The following TBC1D19 variants were observed in gnomAD, a reference collection of about 807,000 sequenced individuals.
TBC1D19 encodes TBC1 domain family, member 19.
TBC1D19 carries 60 observed loss-of-function variants against 89.0 expected under a neutral mutation model. The observed-to-expected ratio is 0.67, with a 90% CI of 0.55 to 0.84. The LOEUF is 0.84. Among genes scored for constraint, TBC1D19 ranks in the 40% least tolerant of loss-of-function variants. TBC1D19 has a pLI of 0.00. For missense variants in TBC1D19, 500 were observed against 610.8 expected (o/e 0.82, Z 1.91); for synonymous variants, 189 against 199.7 (o/e 0.95, Z 0.45).
At chr4:26,836,126 G>A in the TBC1D19 span, among the ~76,000 whole-genome samples, 1 of 152,046 alleles carries the variant, frequency 6.6e-6, no homozygotes, top group Non-Finnish European at 1.5e-5. Context: ...CTTCCAGTTT[G>A]GTTTAAACGT....
chr4:26,823,443 A>C, the TBC1D19 span, among the ~76,000 whole-genome samples: 4 of 152,138 alleles, frequency 2.6e-5, no homozygotes, highest in Admixed American at 6.5e-5. Context: ...GAGAGGTGAC[A>C]ATAACAGTGT....
chr4:26,607,279 G>T (rs910842100), intron 1 of TBC1D19, among the ~76,000 whole-genome samples: 2 of 152,100 alleles, frequency 1.3e-5, no homozygotes, highest in Admixed American at 6.6e-5. Context: ...TTGAAAAGCC[G>T]CTACTTCTAG....
chr4:26,835,092 T>C, the TBC1D19 span, among the ~76,000 whole-genome samples: 1 of 152,158 alleles, frequency 6.6e-6, no homozygotes, highest in African/African-American at 2.4e-5. Flanking sequence ...ACTTGGCAAA[T>C]GTGAATAAGT....
intron 13 of TBC1D19, among the ~76,000 whole-genome samples, chr4:26,695,867 A>G (rs1483696261): frequency 6.6e-6 from 1 of 152,200 alleles, no homozygotes; most frequent in Non-Finnish European, 1.5e-5. Context: ...AGCACTAAAC[A>G]TGGAAAGGAA....
chr4:26,589,228 T>G (rs1010493644), intron 1 of TBC1D19, among the ~76,000 whole-genome samples: 1 of 152,058 alleles, frequency 6.6e-6, no homozygotes, highest in Non-Finnish European at 1.5e-5. Flanking sequence ...CGAGCCAAGA[T>G]CGTGCCACTG....
intron 12 of TBC1D19, among the ~76,000 whole-genome samples, chr4:26,687,249 T>A (rs1713890807): frequency 6.6e-6 from 1 of 152,180 alleles, no homozygotes; most frequent in African/African-American, 2.4e-5. Flanking sequence ...GCTTTCTGGA[T>A]GTTTACTCTT....
At chr4:26,644,669 G>A (rs1185187588) in intron 7 of TBC1D19, among the ~76,000 whole-genome samples, 1 of 152,116 alleles carries the variant, frequency 6.6e-6, no homozygotes, top group East Asian at 1.9e-4. Context: ...ATATTTAGAA[G>A]ATCCCATCAT....
chr4:26,673,994 A>T, intron 11 of TBC1D19, 106 bp downstream of exon 11: 1 of 579,338 alleles, frequency 1.7e-6, no homozygotes, highest in Non-Finnish European at 3.0e-6. Context: ...TCTATTATTA[A>T]CCCCCTTTTT....
At chr4:26,588,024 CTT>C (rs573029265) in intron 1 of TBC1D19, among the ~76,000 whole-genome samples, 2 of 119,290 alleles carry the variant, frequency 1.7e-5, no homozygotes, top group Non-Finnish European at 1.8e-5. Context: ...CATATGTGTT[CTT>C]TTTTTTTTTT....
intron 4 of TBC1D19, among the ~76,000 whole-genome samples, chr4:26,633,527 A>G (rs1387341741): frequency 1.3e-5 from 2 of 152,180 alleles, no homozygotes; most frequent in Non-Finnish European, 2.9e-5. Context: ...TTTTAAAACC[A>G]AAAGCCTGGC....
intron 7 of TBC1D19, among the ~76,000 whole-genome samples, chr4:26,653,457 A>G (rs569063750): frequency 1.2e-4 from 19 of 152,110 alleles, no homozygotes; most frequent in African/African-American, 4.3e-4. Flanking sequence ...TGATCTGTCT[A>G]ATGTTGACAG....
intron 15 of TBC1D19, among the ~76,000 whole-genome samples, chr4:26,723,723 C>CA (rs1560497811): frequency 4.7e-4 from 71 of 152,282 alleles, no homozygotes; most frequent in African/African-American, 1.6e-3. Context: ...TGTTATTCAA[C>CA]ACATATAAAT....
chr4:26,818,790 C>T, the TBC1D19 span, among the ~76,000 whole-genome samples: 1 of 152,116 alleles, frequency 6.6e-6, no homozygotes, highest in Admixed American at 6.5e-5. Flanking sequence ...CATCTAGGAC[C>T]CCCAGAAGTC....
chr4:26,745,373 C>CT (rs1277757002), intron 18 of TBC1D19, among the ~76,000 whole-genome samples: 1 of 151,076 alleles, frequency 6.6e-6, no homozygotes, highest in Non-Finnish European at 1.5e-5. Flanking sequence ...CTCTTTATTC[C>CT]TTTTTTCTCA....
upstream of TBC1D19, among the ~76,000 whole-genome samples, chr4:26,582,023 G>A (rs934934513): frequency 2.7e-5 from 4 of 150,870 alleles, no homozygotes; most frequent in East Asian, 1.9e-4. Context: ...GCCAAACTTC[G>A]TAATTGTTGC....
intron 6 of TBC1D19, among the ~76,000 whole-genome samples, chr4:26,639,823 G>A (rs571054512): frequency 8.3e-4 from 126 of 152,262 alleles, no homozygotes; most frequent in Non-Finnish European, 1.3e-3. Context: ...TGCATTGTTT[G>A]TATTTTAAGT....
chr4:26,843,509 A>G, the TBC1D19 span, among the ~76,000 whole-genome samples: 7 of 151,894 alleles, frequency 4.6e-5, no homozygotes, highest in African/African-American at 1.7e-4. Context: ...CATTAACGGC[A>G]TATACTATAT....
chr4:26,620,463 C>T (rs2110032390), intron 3 of TBC1D19, 150 bp from the exon 4 acceptor site: 1 of 635,420 alleles, frequency 1.6e-6, no homozygotes, highest in South Asian at 2.4e-5. Flanking sequence ...TTGTTGACTA[C>T]ATCAATCTAT....
chr4:26,580,984 C>T (rs1216316457), upstream of TBC1D19, among the ~76,000 whole-genome samples: 7 of 152,172 alleles, frequency 4.6e-5, no homozygotes, highest in African/African-American at 1.2e-4. Context: ...GCCCAGAGCC[C>T]TATACATGTT....
Sources: gnomAD v4.1 joint callset for allele counts (sites outside exome capture counted in the v4.1 genomes callset) on GRCh38, gnomAD v4.1.1 for gene constraint, MANE v1.5 for transcripts, NCBI Gene and HGNC (gene_info 2026-07-23, HGNC 2026-07-21) for gene names.